OR4K1: variants seen among roughly 807,000 people sequenced by gnomAD.
OR4K1 encodes olfactory receptor 4K1.
In OR4K1, 16 loss-of-function variants were observed where a neutral mutation model predicts 14.4. The observed-to-expected ratio is 1.11, with a 90% confidence interval of 0.75 to 1.68. The LOEUF is 1.68. Among genes scored for constraint, OR4K1 ranks in the 40% most tolerant of loss-of-function variants. The pLI is 0.00. For missense variants in OR4K1, 548 were observed against 376.9 expected (o/e 1.45, Z -3.76); for synonymous variants, 181 against 133.1 (o/e 1.36, Z -2.48).
chr14:19,933,497 A>T (rs2635551), intron 1 of OR4K1, among the ~76,000 whole-genome samples: 79,288 of 149,684 alleles, frequency 0.53, 18,026 homozygotes, highest in Non-Finnish European at 0.66. Context: ...ATTGCCCCAA[A>T]TCTTCCACAT....
chr14:19,935,948 TG>T lies in OR4K1; in HGVS notation c.283del (p.Glu95ArgfsTer18). 6.2e-7 allele frequency: 1 copy of T among 1,614,224 alleles called. No homozygotes were observed. The highest frequency in any genetic ancestry group is 8.5e-7 in the Non-Finnish European group (1 of 1,180,028). On this transcript the variant is annotated frameshift_variant, in exon 2 of 2. Coordinates refer to ENST00000641172, the MANE Select transcript of OR4K1 (RefSeq NM_001004063.3). LOFTEE classifies it high-confidence loss of function. The part of the protein sequence containing the change: ...FFIERKTISF[E>X]GCMAQIFVLH... Reference sequence around the variant, plus strand: ...TTATTGAGCGCAAGACTATCTCCTTTGAGGGTTGCATGGCCCAGATATTCGT... The same window carrying T: ...TTATTGAGCGCAAGACTATCTCCTTTAGGGTTGCATGGCCCAGATATTCGT...
At chr14:19,931,945 T>A (rs1882193907) in intron 1 of OR4K1, among the ~76,000 whole-genome samples, 1 of 152,242 alleles carries the variant, frequency 6.6e-6, no homozygotes, top group African/African-American at 2.4e-5. Flanking sequence ...TCCAGTTCTA[T>A]CTTTTAAGTT....
the OR4K1 span, chr14:19,920,990 AC>A: frequency 7.4e-6 from 12 of 1,613,984 alleles, no homozygotes; most frequent in Middle Eastern, 4.9e-4. Flanking sequence ...CCATATGCAA[AC>A]CCTTATACTA....
intron 1 of OR4K1, among the ~76,000 whole-genome samples, chr14:19,935,158 T>C (rs1403297634): frequency 6.6e-6 from 1 of 152,260 alleles, no homozygotes; most frequent in African/African-American, 2.4e-5. Context: ...ATGAAGTACA[T>C]CTTTATATTT....
At chr14:19,923,711 T>A in the OR4K1 span, among the ~76,000 whole-genome samples, 1 of 152,246 alleles carries the variant, frequency 6.6e-6, no homozygotes, top group African/African-American at 2.4e-5. Flanking sequence ...CAAAAGGTAG[T>A]AATGAAGAGT....
intron 1 of OR4K1, among the ~76,000 whole-genome samples, chr14:19,932,980 A>ATAT (rs71108570): frequency 0.82 from 122,203 of 149,238 alleles, 49,289 homozygotes; most frequent in East Asian, 0.97. Context: ...TTATAAATAT[A>ATAT]TATTTATAGC....
chr14:19,925,708 C>T, the OR4K1 span, among the ~76,000 whole-genome samples: 12 of 152,356 alleles, frequency 7.9e-5, no homozygotes, highest in Admixed American at 2.6e-4. Flanking sequence ...AGAAGCTGTT[C>T]GAAAGAGCTG....
At chr14:19,922,070 C>CT in the OR4K1 span, among the ~76,000 whole-genome samples, 1,213 of 115,224 alleles carry the variant, frequency 0.011, 5 homozygotes, top group Non-Finnish European at 0.015. Context: ...TTATGAGACT[C>CT]CCCCCCCCAA....
chr14:19,925,065 T>C, the OR4K1 span, among the ~76,000 whole-genome samples: 4 of 152,360 alleles, frequency 2.6e-5, no homozygotes, highest in South Asian at 8.3e-4. Flanking sequence ...AAAATTCTTT[T>C]TTTTTCCTCT....
At chr14:19,921,682 A>G in the OR4K1 span, 12 of 1,200,432 alleles carry the variant, frequency 1.0e-5, 1 homozygote, top group Non-Finnish European at 1.1e-5. Flanking sequence ...AAGATAATAT[A>G]GAGAACATTT....
chr14:19,921,231 A>G, the OR4K1 span: 1 of 1,614,198 alleles, frequency 6.2e-7, no homozygotes, highest in Non-Finnish European at 8.5e-7. Flanking sequence ...TCTTTCCCTA[A>G]GCACTTTCTC....
At chr14:19,921,380 T>C in the OR4K1 span, 2 of 1,614,048 alleles carry the variant, frequency 1.2e-6, no homozygotes, top group Non-Finnish European at 1.7e-6. Context: ...TCTTCATCTA[T>C]GTGTGGCCCT....
the OR4K1 span, chr14:19,920,457 G>T: frequency 3.4e-6 from 3 of 880,260 alleles, no homozygotes; most frequent in South Asian, 1.8e-5. Context: ...TACTATTATG[G>T]CCTCTTCAAA....
rs964719846 is a variant in OR4K1, at chr14:19,936,080, G to A, written c.414G>A (p.Arg138=). ...TGCACTACAGTACAATTATGAACCGGAGGCTCTGTGTAATTTTTGTGTCTA... is the reference window on the plus strand; with the variant it reads ...TGCACTACAGTACAATTATGAACCGAAGGCTCTGTGTAATTTTTGTGTCTA... ...KPLHYSTIMN[R]RLCVIFVSIS... is the part of the protein sequence containing the mutation. Residue 138 remains arginine (R), a synonymous_variant, in exon 2 of 2, where the codon CGG becomes CGA. Transcript: ENST00000641172. 4.3e-6 allele frequency: 7 copies of A among 1,614,126 alleles called. No individual in the cohort carries two copies. The African/African-American group carries it at 9.3e-5, about 22-fold the overall frequency.
At chr14:19,927,728 T>G (rs1247770745), upstream of OR4K1, among the ~76,000 whole-genome samples, 1 of 152,182 alleles carries the variant, frequency 6.6e-6, no homozygotes, top group Non-Finnish European at 1.5e-5. Flanking sequence ...ATCACACCCC[T>G]TCCTCTGAAG....
chr14:19,923,621 T>A, the OR4K1 span, among the ~76,000 whole-genome samples: 1 of 152,214 alleles, frequency 6.6e-6, no homozygotes, highest in Admixed American at 6.5e-5. Context: ...ATGTAAAAAA[T>A]GTAACTTGCA....
intron 1 of OR4K1, among the ~76,000 whole-genome samples, chr14:19,933,818 C>T (rs920758063): frequency 3.9e-5 from 6 of 152,162 alleles, no homozygotes; most frequent in Non-Finnish European, 8.8e-5. Context: ...AACTCCTGAC[C>T]TCGTGATCTG....
At chr14:19,928,290 T>A (rs577234819), upstream of OR4K1, among the ~76,000 whole-genome samples, 120 of 152,218 alleles carry the variant, frequency 7.9e-4, 1 homozygote, top group Non-Finnish European at 1.2e-3. Flanking sequence ...TATTTATTTA[T>A]TTTATTTATT....
At chr14:19,935,610 C>A (rs1041284620) in intron 1 of OR4K1, 38 bp from the exon 2 acceptor site, 1 of 1,377,512 alleles carries the variant, frequency 7.3e-7, no homozygotes, top group African/African-American at 1.5e-5. Flanking sequence ...TATTGTAATG[C>A]CAATCATTGT....
Sources: gnomAD v4.1 joint callset for allele counts (sites outside exome capture counted in the v4.1 genomes callset) on GRCh38, gnomAD v4.1.1 for gene constraint, MANE v1.5 for transcripts, NCBI Gene and HGNC (gene_info 2026-07-23, HGNC 2026-07-21) for gene names.